PACRG: variants seen among roughly 807,000 people sequenced by gnomAD.
PACRG encodes parkin coregulated, also known as parkin coregulated gene protein.
A neutral mutation model predicts 29.7 loss-of-function variants in PACRG; 29 were observed. The observed-to-expected ratio is 0.98, with a 90% CI of 0.73 to 1.33. The LOEUF (loss-of-function observed/expected upper bound fraction) is 1.33, where lower values mean the gene tolerates loss of function less well. Ranked by LOEUF, PACRG falls within the 40% of genes most tolerant of loss-of-function variation. PACRG has a pLI of 0.00. For missense variants in PACRG, 279 were observed against 316.2 expected (o/e 0.88, Z 0.89); for synonymous variants, 116 against 118.7 (o/e 0.98, Z 0.15).
chr6:162,861,119 T>C (rs1791824709), intron 2 of PACRG, among the ~76,000 whole-genome samples: 1 of 152,218 alleles, frequency 6.6e-6, no homozygotes, highest in African/African-American at 2.4e-5. Context: ...ATTTATGGGC[T>C]TCACAGCTGG....
At chr6:163,223,769 G>A (rs997391310) in intron 4 of PACRG, among the ~76,000 whole-genome samples, 1 of 152,222 alleles carries the variant, frequency 6.6e-6, no homozygotes, top group Non-Finnish European at 1.5e-5. Flanking sequence ...AACATGCTTA[G>A]GGAGAGGGAG....
Position 163,272,892 on chromosome 6 carries a change from C to CTTTTTTTTTTTTTTTTTT in PACRG, c.614-41918_614-41917insTTTTTTTTTTTTTTTTTT, listed in dbSNP as rs200076248. ...AAACATTTGGTAATGATGCATCATT[C>CTTTTTTTTTTTTTTTTTT]TTTTTTTTTTTTTTTTTGAGACGGA... On this transcript the variant is annotated intron_variant, in intron 4 of 4. Transcript: ENST00000366888. 9.1e-5 allele frequency among the ~76,000 whole-genome samples: 10 copies of CTTTTTTTTTTTTTTTTTT among 109,468 alleles called. 3 individuals are homozygous for CTTTTTTTTTTTTTTTTTT. The highest frequency in any genetic ancestry group is 1.4e-4 in the Non-Finnish European group (8 of 55,794). 71.8% of individuals were successfully genotyped at this position (109,468 alleles called of 152,430 possible).
At chr6:163,243,229 A>T (rs1202987489) in intron 4 of PACRG, among the ~76,000 whole-genome samples, 1 of 152,112 alleles carries the variant, frequency 6.6e-6, no homozygotes, top group Non-Finnish European at 1.5e-5. Flanking sequence ...CCGAACACCC[A>T]AGTCTCCCTG....
At chr6:162,727,355 C>G, upstream of PACRG, 1 of 440,288 alleles carries the variant, frequency 2.3e-6, no homozygotes, top group East Asian at 4.0e-5. Flanking sequence ...CGGGACCCCA[C>G]ACGGTCCGGG....
At chr6:162,742,446 T>C (rs1780673163) in intron 1 of PACRG, among the ~76,000 whole-genome samples, 1 of 152,208 alleles carries the variant, frequency 6.6e-6, no homozygotes, top group Non-Finnish European at 1.5e-5. Flanking sequence ...TCTTTATAAA[T>C]TACCCAGTCT....
chr6:163,182,433 G>A (rs1000331438), intron 4 of PACRG, among the ~76,000 whole-genome samples: 2 of 152,186 alleles, frequency 1.3e-5, no homozygotes, highest in South Asian at 2.1e-4. Flanking sequence ...ATATAGATGA[G>A]ACTCATTGTC....
rs1554297819 is a variant in PACRG, at chr6:162,883,712, G to GTGTA, written c.291+69441_291+69444dup. On this transcript the variant is annotated intron_variant, in intron 2 of 4. Transcript: ENST00000366888. ...TGTGTGTGTGTGTGTGTGTGTGTGTGTGTATGTATGTATATATCTGCATAC... is the reference window on the plus strand; with the variant it reads ...TGTGTGTGTGTGTGTGTGTGTGTGTGTGTATGTATGTATGTATATATCTGCATAC... Among the ~76,000 whole-genome samples the GTGTA allele has an allele frequency of 3.8e-3, 563 of 149,964 alleles. 2 individuals are homozygous for GTGTA. Among genetic ancestry groups the GTGTA allele is most frequent in the South Asian group, 9.5e-3 (45 of 4,720 alleles).
chr6:163,212,839 C>T (rs1383261904), intron 4 of PACRG, among the ~76,000 whole-genome samples: 1 of 150,938 alleles, frequency 6.6e-6, no homozygotes, highest in Non-Finnish European at 1.5e-5. Flanking sequence ...ATTGCAGTGG[C>T]ACGATCTCGG....
chr6:163,227,311 C>A (rs1781845374), intron 4 of PACRG, among the ~76,000 whole-genome samples: 1 of 152,104 alleles, frequency 6.6e-6, no homozygotes, highest in South Asian at 2.1e-4. Context: ...TACTTAACAA[C>A]CAGACCTCAC....
chr6:162,866,816 G>A (rs1009301780), intron 2 of PACRG, among the ~76,000 whole-genome samples: 1 of 152,054 alleles, frequency 6.6e-6, no homozygotes, highest in Non-Finnish European at 1.5e-5. Context: ...GCACCCAACC[G>A]AACCAAAAGA....
chr6:163,127,282 A>G (rs1019912354), intron 4 of PACRG, among the ~76,000 whole-genome samples: 2 of 152,244 alleles, frequency 1.3e-5, no homozygotes, highest in African/African-American at 2.4e-5. Flanking sequence ...CAATTATGAC[A>G]TTTTGTCAAA....
At chr6:163,009,138 G>A (rs559348273) in intron 2 of PACRG, among the ~76,000 whole-genome samples, 201 of 152,232 alleles carry the variant, frequency 1.3e-3, no homozygotes, top group African/African-American at 4.7e-3. Flanking sequence ...AATATACTGG[G>A]TCCATGTGAC....
At chr6:162,966,126 G>A (rs567014356) in intron 2 of PACRG, among the ~76,000 whole-genome samples, 88 of 152,328 alleles carry the variant, frequency 5.8e-4, no homozygotes, top group African/African-American at 1.9e-3. Flanking sequence ...TGCTTGCCTG[G>A]ACACTGTTGA....
At chr6:163,312,618 A>G (rs1785469470) in intron 4 of PACRG, among the ~76,000 whole-genome samples, 1 of 151,218 alleles carries the variant, frequency 6.6e-6, no homozygotes, top group South Asian at 2.1e-4. Flanking sequence ...AAACAGAAAA[A>G]CCGGTGGACT....
intron 4 of PACRG, among the ~76,000 whole-genome samples, chr6:163,178,348 G>C (rs1476489619): frequency 2.6e-5 from 4 of 152,188 alleles, no homozygotes; most frequent in Admixed American, 6.5e-5. Context: ...AGAGGGACAA[G>C]GGGAAGTGCT....
intron 2 of PACRG, among the ~76,000 whole-genome samples, chr6:163,053,515 A>G (rs976635649): frequency 3.9e-5 from 6 of 152,222 alleles, no homozygotes; most frequent in African/African-American, 1.4e-4. Flanking sequence ...TTAGATATCA[A>G]TTTTAAAACT....
chr6:163,148,323 CA>C (rs1168633624), intron 4 of PACRG, among the ~76,000 whole-genome samples: 1 of 152,148 alleles, frequency 6.6e-6, no homozygotes, highest in Non-Finnish European at 1.5e-5. Flanking sequence ...AATATTTTTA[CA>C]TTTTTTTCAT....
At chr6:163,221,477 G>A (rs556671121) in intron 4 of PACRG, among the ~76,000 whole-genome samples, 6 of 152,194 alleles carry the variant, frequency 3.9e-5, no homozygotes, top group Non-Finnish European at 7.3e-5. Context: ...TAATTTCACC[G>A]TGTGCAGCTG....
At chr6:163,159,777 A>G (rs1313148338) in intron 4 of PACRG, among the ~76,000 whole-genome samples, 1 of 152,036 alleles carries the variant, frequency 6.6e-6, no homozygotes, top group Non-Finnish European at 1.5e-5. Context: ...CCTCCCACAA[A>G]TTGTTTTCTA....
Sources: gnomAD v4.1 joint callset for allele counts (sites outside exome capture counted in the v4.1 genomes callset) on GRCh38, gnomAD v4.1.1 for gene constraint, MANE v1.5 for transcripts, NCBI Gene and HGNC (gene_info 2026-07-23, HGNC 2026-07-21) for gene names.